PHYH: variants seen among roughly 807,000 people sequenced by gnomAD.
PHYH encodes the protein phytanoyl-CoA dioxygenase, peroxisomal.
PHYH carries 32 observed loss-of-function variants against 38.5 expected under a neutral mutation model. The observed-to-expected ratio is 0.83, with a 90% CI of 0.63 to 1.12. PHYH has a LOEUF of 1.12. Among genes scored for constraint, PHYH ranks in the 50% most tolerant of loss-of-function variants. The pLI is 0.00. For missense variants in PHYH, 426 were observed against 434.8 expected, an observed-to-expected ratio of 0.98 and a Z score of 0.18; for synonymous variants, 166 against 157.9, an observed-to-expected ratio of 1.05 and a Z score of -0.38.
Position 13,291,931 on chromosome 10 carries a change from A to T in PHYH, c.415-19T>A. 1 of 1,542,272 alleles carries T rather than the reference A, an allele frequency of 6.5e-7. No individual in the cohort carries two copies. Among genetic ancestry groups the T allele is most frequent in the Non-Finnish European group, 8.9e-7 (1 of 1,119,330 alleles). On this transcript the variant is annotated intron_variant, in intron 4 of 8. Transcript: ENST00000263038. Reference sequence around the variant, plus strand: ...TCAGAATCTAAGAAAGCAAAAAAAAAACAAAAACAAACCTTGTGGGAAATC... The same window carrying T: ...TCAGAATCTAAGAAAGCAAAAAAAATACAAAAACAAACCTTGTGGGAAATC...
At position 13,294,488 on chromosome 10, in the gene PHYH, G is replaced by A. The variant is rs779724199; in HGVS notation, c.354C>T (p.Ile118=). 5 of 1,614,126 alleles carry A rather than the reference G, an allele frequency of 3.1e-6. No homozygotes were observed. The highest frequency in any genetic ancestry group is 1.7e-5 in the Admixed American group (1 of 60,026). ...KSEYAPSEKM[I]TKVQDFQEDK... ...CTTCCTGGAAATCCTGGACCTTCGT[G>A]ATCATCTTCTCACTTGGAGCATATT... is the stretch of plus-strand genomic sequence containing the variant. Residue 118 remains isoleucine (I), a synonymous_variant, in exon 4 of 9, where the codon ATC becomes ATT. Transcript: ENST00000263038.
At chr10:13,280,182 A>T (rs968208292) in intron 8 of PHYH, among the ~76,000 whole-genome samples, 2 of 152,158 alleles carry the variant, frequency 1.3e-5, no homozygotes. Flanking sequence ...TTGGCCAGGA[A>T]GGTCTCGATC....
At chr10:13,284,990 G>A (rs756102913) in intron 6 of PHYH, among the ~76,000 whole-genome samples, 3 of 152,098 alleles carry the variant, frequency 2.0e-5, no homozygotes, top group African/African-American at 4.8e-5. Context: ...GACTCCACAC[G>A]CTCTGGAAGC....
chr10:13,292,609 C>G (rs1835739048), intron 4 of PHYH, among the ~76,000 whole-genome samples: 1 of 152,064 alleles, frequency 6.6e-6, no homozygotes, highest in African/African-American at 2.4e-5. Flanking sequence ...TGTACAGAAC[C>G]CAGCAACGGA....
In PHYH at chr10:13,287,144, T is replaced by A. The variant is rs572286136; in HGVS notation, c.678+1216A>T. On this transcript the variant is annotated intron_variant, in intron 6 of 8. Transcript: ENST00000263038. ...TCACGAGTTAAAGAGATCAGGACCA[T>A]CCTGGCCAACATAGTGAAATCCCGT... Among the ~76,000 whole-genome samples, 10 of 152,166 alleles carry A rather than the reference T, an allele frequency of 6.6e-5. No individual in the cohort carries two copies. The East Asian group carries it at 1.9e-3, about 29-fold the overall frequency.
chr10:13,296,213 T>C (rs1835845235), intron 2 of PHYH, among the ~76,000 whole-genome samples: 1 of 151,842 alleles, frequency 6.6e-6, no homozygotes, highest in African/African-American at 2.4e-5. Context: ...GAAACGTTCA[T>C]GCTCTTCAAT....
intron 5 of PHYH, 175 bp downstream of exon 5, chr10:13,291,656 T>C: frequency 4.9e-6 from 3 of 607,086 alleles, no homozygotes; most frequent in South Asian, 1.9e-5. Flanking sequence ...TTTTAAATTT[T>C]ATTTTTAGAG....
Position 13,285,222 on chromosome 10 carries a change from C to T in PHYH, c.679-1383G>A, listed in dbSNP as rs190872864. ...TTACTGAGATGGAGTCTTGCTCTGT[C>T]GCCCAGGCTGGAGTGCAGTGGTGCG... On this transcript the variant is annotated intron_variant, in intron 6 of 8. Coordinates refer to ENST00000263038, the MANE Select transcript of PHYH (RefSeq NM_006214.4). 3.3e-5 allele frequency among the ~76,000 whole-genome samples: 5 copies of T among 151,578 alleles called. No individual in the cohort carries two copies. In the East Asian group the frequency reaches 5.9e-4, roughly 18 times the overall value.
At chr10:13,287,523 C>T (rs1835583004) in intron 6 of PHYH, among the ~76,000 whole-genome samples, 1 of 152,108 alleles carries the variant, frequency 6.6e-6, no homozygotes, top group Non-Finnish European at 1.5e-5. Context: ...AAAATACACC[C>T]CCAGCGCCCA....
chr10:13,286,781 G>A (rs1835561842), intron 6 of PHYH, among the ~76,000 whole-genome samples: 1 of 151,246 alleles, frequency 6.6e-6, no homozygotes, highest in East Asian at 1.9e-4. Flanking sequence ...ACTGAGTGAA[G>A]GAAGCCAGAA....
intron 5 of PHYH, 159 bp downstream of exon 5, chr10:13,291,672 G>A: frequency 3.1e-6 from 2 of 644,474 alleles, no homozygotes; most frequent in Non-Finnish European, 5.5e-6. Context: ...TAGAGACAGA[G>A]CCTCACTATG....
intron 1 of PHYH, chr10:13,299,746 C>T (rs2131664660): frequency 7.6e-7 from 1 of 1,308,984 alleles, no homozygotes; most frequent in Non-Finnish European, 9.7e-7. Context: ...GGCAATTGCC[C>T]CGACCCCAGG....
chr10:13,286,316 G>A lies in PHYH; in HGVS notation c.678+2044C>T, dbSNP rs17153069. Among the ~76,000 whole-genome samples the A allele has an allele frequency of 3.8e-3, 579 of 152,212 alleles. 7 individuals carry two copies. Among genetic ancestry groups the A allele is most frequent in the African/African-American group, 0.013 (542 of 41,534 alleles). On this transcript the variant is annotated intron_variant, in intron 6 of 8. Coordinates refer to ENST00000263038, the MANE Select transcript of PHYH (RefSeq NM_006214.4). ...GCCGATTTGATCCCATCACTCATGA[G>A]CTCAAATGCATTTAACATTTCCAAG...
chr10:13,281,150 C>G (rs1390084877), intron 7 of PHYH, 40 bp from the exon 8 acceptor site: 1 of 1,606,184 alleles, frequency 6.2e-7, no homozygotes. Context: ...GAAAAACATC[C>G]CATGAATACC....
chr10:13,299,580 G>A, intron 1 of PHYH: 1 of 1,027,530 alleles, frequency 9.7e-7, no homozygotes, highest in Non-Finnish European at 1.2e-6. Flanking sequence ...GCCTGGGCCG[G>A]TTCCAGGCAG....
Position 13,291,862 on chromosome 10 carries a change from G to A in PHYH, c.465C>T (p.His155=). The A allele has an allele frequency of 3.1e-6, 5 of 1,609,924 alleles. No homozygotes were observed. Among genetic ancestry groups the A allele is most frequent in the Non-Finnish European group, 4.2e-6 (5 of 1,177,354 alleles). Residue 155 remains histidine, a synonymous_variant, in exon 5 of 9, where the codon CAC becomes CAT. Coordinates refer to ENST00000263038, the MANE Select transcript of PHYH (RefSeq NM_006214.4). ...CTGGAGGTTTGTTTATCAACATTGT[G>A]TGCATGGCCATAATATTAGGTCCAG... ...CFTGPNIMAM[H]TMLINKPPDS...
At chr10:13,285,006 A>T (rs1005605456) in intron 6 of PHYH, among the ~76,000 whole-genome samples, 1 of 152,298 alleles carries the variant, frequency 6.6e-6, no homozygotes, top group East Asian at 1.9e-4. Context: ...GAAGCCCTGC[A>T]AACTTTTCCC....
intron 6 of PHYH, among the ~76,000 whole-genome samples, chr10:13,284,059 A>G (rs897427860): frequency 2.6e-5 from 4 of 152,206 alleles, no homozygotes; most frequent in African/African-American, 9.7e-5. Context: ...ATGGTGGTTC[A>G]TGCCTGTAAT....
At chr10:13,298,099 G>C in intron 2 of PHYH, 88 bp downstream of exon 2, 1 of 800,986 alleles carries the variant, frequency 1.2e-6, no homozygotes, top group South Asian at 1.4e-5. Flanking sequence ...TTCTAATCAG[G>C]TAACATATTA....
Sources: gnomAD v4.1 joint callset for allele counts (sites outside exome capture counted in the v4.1 genomes callset) on GRCh38, gnomAD v4.1.1 for gene constraint, MANE v1.5 for transcripts, NCBI Gene and HGNC (gene_info 2026-07-23, HGNC 2026-07-21) for gene names.